MARK3: variants seen among roughly 807,000 people sequenced by gnomAD.
MARK3 encodes microtubule affinity regulating kinase 3, also known as MAP/microtubule affinity-regulating kinase 3.
In MARK3, 46 loss-of-function variants were observed where a neutral mutation model predicts 90.1. That is an observed-to-expected ratio of 0.51 (90% CI 0.40 to 0.65). MARK3 has a LOEUF of 0.65. MARK3 is among the 30% of genes least tolerant of loss of function. The pLI is 0.00. For missense variants in MARK3, 818 were observed against 947.2 expected (o/e 0.86, Z 1.79); for synonymous variants, 321 against 332.6 (o/e 0.97, Z 0.38).
At chr14:103,486,685 C>A (rs977870709) in intron 14 of MARK3, among the ~76,000 whole-genome samples, 2 of 151,972 alleles carry the variant, frequency 1.3e-5, no homozygotes, top group Admixed American at 1.3e-4. Flanking sequence ...GATGTTGGGG[C>A]TGCCTGTTGT....
At chr14:103,473,007 GAAA>G (rs35491726) in intron 12 of MARK3, among the ~76,000 whole-genome samples, 2 of 138,158 alleles carry the variant, frequency 1.4e-5, no homozygotes, top group Non-Finnish European at 3.1e-5. Flanking sequence ...ACTCCGTCTC[GAAA>G]AAAAAAAAAA....
chr14:103,402,727 G>A (rs957130489), intron 1 of MARK3, among the ~76,000 whole-genome samples: 1 of 152,144 alleles, frequency 6.6e-6, no homozygotes, highest in Non-Finnish European at 1.5e-5. Flanking sequence ...CGCAAGAATT[G>A]CAATTTGGGG....
chr14:103,494,544 CAAAAAA>C (rs35133138), intron 15 of MARK3, among the ~76,000 whole-genome samples: 1 of 84,620 alleles, frequency 1.2e-5, no homozygotes, highest in Non-Finnish European at 2.2e-5. Flanking sequence ...AACTCTGTCT[CAAAAAA>C]AAAAAAAAAA....
intron 1 of MARK3, among the ~76,000 whole-genome samples, chr14:103,397,752 A>G (rs1477623618): frequency 1.3e-5 from 2 of 152,344 alleles, no homozygotes; most frequent in East Asian, 3.9e-4. Context: ...TATTTTATTC[A>G]AAAGTGAAAC....
At chr14:103,407,072 C>T (rs1297916087) in intron 2 of MARK3, among the ~76,000 whole-genome samples, 4 of 151,968 alleles carry the variant, frequency 2.6e-5, no homozygotes, top group Admixed American at 1.3e-4. Context: ...TCTCGTGATC[C>T]GCCTGCCTCA....
intron 2 of MARK3, among the ~76,000 whole-genome samples, chr14:103,408,946 T>C (rs1372254806): frequency 3.9e-5 from 6 of 152,098 alleles, no homozygotes; most frequent in Non-Finnish European, 7.4e-5. Flanking sequence ...TTTCTTGAGA[T>C]AAGGAACGGT....
chr14:103,454,442 G>A (rs1436721913), intron 5 of MARK3, among the ~76,000 whole-genome samples: 1 of 152,050 alleles, frequency 6.6e-6, no homozygotes, highest in African/African-American at 2.4e-5. Context: ...TAGAGACAAG[G>A]TTTTGCCACA....
chr14:103,442,930 CTT>C (rs2092894417), intron 3 of MARK3, among the ~76,000 whole-genome samples: 1 of 129,842 alleles, frequency 7.7e-6, no homozygotes, highest in Non-Finnish European at 1.7e-5. Flanking sequence ...AAATCCAAAA[CTT>C]TGGTGGGTGT....
intron 3 of MARK3, among the ~76,000 whole-genome samples, chr14:103,441,728 G>A (rs753261663): frequency 1.3e-5 from 2 of 152,064 alleles, no homozygotes; most frequent in African/African-American, 4.8e-5. Flanking sequence ...ATGGTTTTTC[G>A]TATGTATAAT....
rs1244609125 is a variant in MARK3, at chr14:103,503,820, T to C, written c.*593T>C. ...CACAAGATAATTAAAAATTCACTTT[T>C]TCTCAGTAAAATCTTGCATTGTCTC... On this transcript the variant is annotated 3_prime_UTR_variant, in exon 18 of 18. Transcript: ENST00000429436. 5.9e-5 allele frequency: 9 copies of C among 153,034 alleles called. No homozygotes were observed. Among genetic ancestry groups the C allele is most frequent in the Non-Finnish European group, 1.3e-4 (9 of 68,402 alleles). The allele number at this position is 153,034 out of a possible 1,614,324, so 9.5% of individuals were successfully genotyped here.
intron 4 of MARK3, among the ~76,000 whole-genome samples, chr14:103,450,829 A>G (rs572765099): frequency 1.2e-4 from 18 of 150,132 alleles, no homozygotes; most frequent in South Asian, 2.1e-4. Flanking sequence ...GATATGCACA[A>G]TGGTGATTTG....
intron 2 of MARK3, chr14:103,412,866 CTTTT>C (rs1364669346): frequency 9.9e-6 from 3 of 303,208 alleles, no homozygotes; most frequent in Non-Finnish European, 1.9e-5. Context: ...GTCTTTCTTT[CTTTT>C]TTTTCTTTCT....
chr14:103,424,703 G>T (rs2092343693), intron 2 of MARK3, among the ~76,000 whole-genome samples: 1 of 152,026 alleles, frequency 6.6e-6, no homozygotes, highest in South Asian at 2.1e-4. Context: ...AGAGGAGGAG[G>T]AATAAAGCAG....
At chr14:103,446,380 G>A (rs1008471229) in intron 3 of MARK3, among the ~76,000 whole-genome samples, 5 of 152,150 alleles carry the variant, frequency 3.3e-5, no homozygotes, top group African/African-American at 9.6e-5. Context: ...ACAAAAATTA[G>A]CCAGGCATGG....
chr14:103,438,414 A>G (rs192523528), intron 3 of MARK3, among the ~76,000 whole-genome samples: 72 of 152,340 alleles, frequency 4.7e-4, no homozygotes, highest in Non-Finnish European at 8.7e-4. Context: ...CTTAGAACCT[A>G]AATTTATAAC....
intron 2 of MARK3, among the ~76,000 whole-genome samples, chr14:103,416,134 G>A (rs933632742): frequency 6.6e-6 from 1 of 152,150 alleles, no homozygotes; most frequent in Non-Finnish European, 1.5e-5. Flanking sequence ...TAGGTTTTAT[G>A]TGTTACTGCT....
intron 3 of MARK3, among the ~76,000 whole-genome samples, chr14:103,430,899 T>C (rs958380049): frequency 6.6e-6 from 1 of 152,212 alleles, no homozygotes; most frequent in African/African-American, 2.4e-5. Flanking sequence ...TGGGTCTTGC[T>C]CTGTTGTCCA....
At chr14:103,415,150 CAAAA>C (rs34245934) in intron 2 of MARK3, among the ~76,000 whole-genome samples, 14 of 37,706 alleles carry the variant, frequency 3.7e-4, no homozygotes, top group South Asian at 1.9e-3. Context: ...GACCTTGTCT[CAAAA>C]AAAAAAAAAA....
intron 13 of MARK3, among the ~76,000 whole-genome samples, chr14:103,479,255 A>G (rs757578717): frequency 4.6e-5 from 7 of 151,842 alleles, no homozygotes; most frequent in Non-Finnish European, 8.8e-5. Flanking sequence ...CTGGTCTCAA[A>G]CTCCTAGGCT....
Sources: allele counts gnomAD v4.1 joint callset (sites outside exome capture counted in the v4.1 genomes callset), GRCh38; gene constraint gnomAD v4.1.1; transcripts MANE v1.5; gene names NCBI Gene and HGNC (gene_info 2026-07-23, HGNC 2026-07-21).